Variants in AJAP1 observed in about 807,000 individuals in gnomAD.
The protein encoded by AJAP1 is adherens junctions associated protein 1, also known as adherens junction-associated protein 1.
In AJAP1, 5 loss-of-function variants were observed where a neutral mutation model predicts 35.0. The observed-to-expected ratio is 0.14, with a 90% confidence interval of 0.07 to 0.30. The LOEUF is 0.30. AJAP1 is among the 10% of genes least tolerant of loss of function. AJAP1 has a pLI of 1.00. For missense variants in AJAP1, 586 were observed against 571.0 expected (o/e 1.03, Z -0.27); for synonymous variants, 284 against 249.3 (o/e 1.14, Z -1.31).
At chr1:4,761,210 T>A (rs544191457) in intron 2 of AJAP1, among the ~76,000 whole-genome samples, 3 of 152,304 alleles carry the variant, frequency 2.0e-5, no homozygotes, top group Non-Finnish European at 4.4e-5. Context: ...AATCCCAGAT[T>A]TGAATGCAGC....
Position 4,672,515 on chromosome 1 carries a change from G to A in AJAP1, c.29+17061G>A, listed in dbSNP as rs1490855171. 2.6e-5 allele frequency among the ~76,000 whole-genome samples: 4 copies of A among 152,140 alleles called. 1 individual carries two copies. Among genetic ancestry groups the A allele is most frequent in the Admixed American group, 2.6e-4 (4 of 15,268 alleles). On this transcript the variant is annotated intron_variant, in intron 1 of 5. Transcript: ENST00000378191. ...TGGGGATCCCAGGACCACACTGTCT[G>A]GCATAAAGTCCTCAGGAGGCTCCCA...
chr1:4,675,093 C>T (rs947594098), intron 1 of AJAP1, among the ~76,000 whole-genome samples: 2 of 152,156 alleles, frequency 1.3e-5, no homozygotes, highest in African/African-American at 2.4e-5. Context: ...CAGAGCAAAA[C>T]CCGTGCCCTC....
rs1433526594 is a variant in AJAP1, at chr1:4,782,526, T to C, written c.*60-19T>C. 1 of 378,526 alleles carries C rather than the reference T, an allele frequency of 2.6e-6. No homozygotes were observed. Among genetic ancestry groups the C allele is most frequent in the African/African-American group, 2.1e-5 (1 of 48,292 alleles). 23.4% of individuals were successfully genotyped at this position (378,526 alleles called of 1,614,324 possible). On this transcript the variant is annotated intron_variant, in intron 5 of 5. Transcript: ENST00000378191. This position sits in a 1 kb window ranked among gnomAD's most constrained non-coding sequence, Gnocchi z 5.3. ...CGGCGTGCTGCCATTTAATCTCTTC[T>C]TGTTTTCTTTCCACACAGGATTCCG...
intron 1 of AJAP1, among the ~76,000 whole-genome samples, chr1:4,695,072 C>G (rs1250269189): frequency 6.6e-6 from 1 of 152,080 alleles, no homozygotes; most frequent in Non-Finnish European, 1.5e-5. Context: ...GTGGCCATGT[C>G]TGGAACATTT....
chr1:4,731,198 G>A (rs1486585971), intron 2 of AJAP1, among the ~76,000 whole-genome samples: 3 of 151,924 alleles, frequency 2.0e-5, no homozygotes, highest in East Asian at 1.9e-4. Context: ...CTCTTGCCTC[G>A]GCCTCCTGAG....
intron 1 of AJAP1, among the ~76,000 whole-genome samples, chr1:4,689,724 C>T (rs1639696024): frequency 1.3e-5 from 2 of 152,210 alleles, no homozygotes; most frequent in African/African-American, 4.8e-5. Flanking sequence ...TGAGCACGAG[C>T]GTGAACCCGC....
intron 3 of AJAP1, 33 bp from the exon 4 acceptor site, chr1:4,772,247 C>T (rs760929565): frequency 4.0e-5 from 64 of 1,610,984 alleles, no homozygotes; most frequent in Non-Finnish European, 5.3e-5. Flanking sequence ...CGGCCTCTGC[C>T]CGTCCCCCTA....
At position 4,711,893 on chromosome 1, in the gene AJAP1, C is replaced by A. The variant is rs755006298; in HGVS notation, c.30-7C>A. ...GACCGCTCTTCTCTCCTTTCCCCCC[C>A]GCACAGCTCCATGTCCATCCGCTGG... On this transcript the variant is annotated splice_polypyrimidine_tract_variant and splice_region_variant and intron_variant, in intron 1 of 5. Coordinates refer to ENST00000378191, the MANE Select transcript of AJAP1 (RefSeq NM_018836.4). 6.8e-7 allele frequency: 1 copy of A among 1,474,984 alleles called. No individual in the cohort carries two copies. The highest frequency in any genetic ancestry group is 9.0e-7 in the Non-Finnish European group (1 of 1,115,324). 91.4% of individuals were successfully genotyped at this position (1,474,984 alleles called of 1,614,324 possible).
chr1:4,686,249 GAATT>G (rs1166722453), intron 1 of AJAP1, among the ~76,000 whole-genome samples: 6 of 152,114 alleles, frequency 3.9e-5, no homozygotes, highest in African/African-American at 9.7e-5. Context: ...AAATTACCAC[GAATT>G]GAGTGGCTTA....
chr1:4,687,916 A>G (rs949587335), intron 1 of AJAP1, among the ~76,000 whole-genome samples: 1 of 152,240 alleles, frequency 6.6e-6, no homozygotes, highest in Non-Finnish European at 1.5e-5. Context: ...ACAGGAGGCC[A>G]ACGATGAACA....
At chr1:4,772,665 G>C in intron 4 of AJAP1, 140 bp downstream of exon 4, 1 of 1,281,804 alleles carries the variant, frequency 7.8e-7, no homozygotes, top group South Asian at 1.5e-5. Flanking sequence ...AGCCAAGGCG[G>C]ACAGCTAATT....
chr1:4,769,769 G>A (rs1181823067), intron 2 of AJAP1, 84 bp from the exon 3 acceptor site: 7 of 1,184,738 alleles, frequency 5.9e-6, no homozygotes, highest in African/African-American at 3.0e-5. Context: ...TGGGTTGGGG[G>A]GATGCACCTC....
Position 4,696,867 on chromosome 1 carries a change from G to T in AJAP1, c.30-15033G>T, listed in dbSNP as rs181359577. Among the ~76,000 whole-genome samples the T allele has an allele frequency of 6.0e-3, 912 of 152,274 alleles. 4 individuals are homozygous for T. The highest frequency in any genetic ancestry group is 0.01 in the Non-Finnish European group (698 of 68,028). On this transcript the variant is annotated intron_variant, in intron 1 of 5. Coordinates refer to ENST00000378191, the MANE Select transcript of AJAP1 (RefSeq NM_018836.4). Reference sequence around the variant, plus strand: ...CTCTGTATGCACACAAGATGTGTTTGTGTGTATGCACCTGTGTTCCATGTG... The same window carrying T: ...CTCTGTATGCACACAAGATGTGTTTTTGTGTATGCACCTGTGTTCCATGTG...
chr1:4,752,376 T>A (rs144460973), intron 2 of AJAP1, among the ~76,000 whole-genome samples: 183 of 152,180 alleles, frequency 1.2e-3, no homozygotes, highest in African/African-American at 4.3e-3. Flanking sequence ...AGAGAGGACG[T>A]CATGATCAGT....
chr1:4,724,582 A>G (rs1640606681), intron 2 of AJAP1, among the ~76,000 whole-genome samples: 2 of 151,982 alleles, frequency 1.3e-5, no homozygotes, highest in Admixed American at 6.5e-5. Flanking sequence ...AATAATTGCC[A>G]GTGTCATCTG....
At chr1:4,749,203 C>T (rs1197517522) in intron 2 of AJAP1, among the ~76,000 whole-genome samples, 1 of 152,152 alleles carries the variant, frequency 6.6e-6, no homozygotes, top group Non-Finnish European at 1.5e-5. Context: ...AGCTTAGGTC[C>T]CTTGGGACCT....
intron 2 of AJAP1, among the ~76,000 whole-genome samples, chr1:4,729,632 G>A (rs1391699231): frequency 1.3e-5 from 2 of 152,254 alleles, no homozygotes; most frequent in African/African-American, 2.4e-5. Flanking sequence ...GTGCGTGTCT[G>A]TGTCCAAAGT....
chr1:4,685,422 G>A (rs1169078477), intron 1 of AJAP1, among the ~76,000 whole-genome samples: 5 of 152,196 alleles, frequency 3.3e-5, no homozygotes, highest in African/African-American at 1.2e-4. Flanking sequence ...ATATAAACAA[G>A]CTCCCATGTC....
chr1:4,739,283 T>C (rs1195407755), intron 2 of AJAP1, among the ~76,000 whole-genome samples: 4 of 152,218 alleles, frequency 2.6e-5, no homozygotes, highest in Non-Finnish European at 4.4e-5. Flanking sequence ...ATTCCCACTT[T>C]GCCCAGTGCA....
Sources: gnomAD v4.1 joint callset for allele counts (sites outside exome capture counted in the v4.1 genomes callset) on GRCh38, gnomAD v4.1.1 for gene constraint, Gnocchi (gnomAD v3.1) non-coding constraint, MANE v1.5 for transcripts, NCBI Gene and HGNC (gene_info 2026-07-23, HGNC 2026-07-21) for gene names.